Variants in SLC19A2 observed in about 807,000 individuals in gnomAD.
SLC19A2 encodes the protein thiamine transporter 1.
In SLC19A2, 27 loss-of-function variants were observed where a neutral mutation model predicts 44.7. The observed-to-expected ratio is 0.60, with a 90% CI of 0.45 to 0.83. The LOEUF is 0.83. SLC19A2 is among the 40% of genes least tolerant of loss of function. The pLI is 0.00. For missense variants in SLC19A2, 566 were observed against 613.7 expected (o/e 0.92, Z 0.82); for synonymous variants, 239 against 243.6 (o/e 0.98, Z 0.18).
rs757861063 is a variant in SLC19A2 at position 169,485,923 on chromosome 1, G to C, written c.-157C>G. On this transcript the variant is annotated 5_prime_UTR_variant, in exon 1 of 6. Transcript: ENST00000236137. Reference sequence around the variant, plus strand: ...GCCGCCTCCGGCTACAGAACCCCCAGCTTTACCCTACAGACGCCTCTAGGG... The same window carrying C: ...GCCGCCTCCGGCTACAGAACCCCCACCTTTACCCTACAGACGCCTCTAGGG... The C allele has an allele frequency of 2.4e-5, 21 of 884,782 alleles. No homozygotes were observed. Among genetic ancestry groups the C allele is most frequent in the Non-Finnish European group, 3.5e-5 (21 of 596,866 alleles). 54.8% of individuals were successfully genotyped at this position (884,782 alleles called of 1,614,324 possible).
Position 169,465,669 on chromosome 1 carries a change from C to A in SLC19A2, c.*180G>T. ...TAAATAATCCATGAAATAAACTTTA[C>A]TTCTGGCTCCTCTGAATAGTATCAT... On this transcript the variant is annotated 3_prime_UTR_variant, in exon 6 of 6. Coordinates refer to ENST00000236137, the MANE Select transcript of SLC19A2 (RefSeq NM_006996.3). The A allele has an allele frequency of 1.6e-6, 1 of 633,810 alleles. No individual in the cohort carries two copies. Among genetic ancestry groups the A allele is most frequent in the Non-Finnish European group, 2.7e-6 (1 of 364,002 alleles). 39.3% of individuals were successfully genotyped at this position (633,810 alleles called of 1,614,324 possible). A position where few individuals can be genotyped will look rare whatever the true frequency, so the allele number is the denominator to read the frequency against.
At chr1:169,477,921 T>C (rs1658362699) in intron 1 of SLC19A2, among the ~76,000 whole-genome samples, 164 bp from the exon 2 acceptor site, 1 of 152,356 alleles carries the variant, frequency 6.6e-6, no homozygotes, top group African/African-American at 2.4e-5. Flanking sequence ...CTCTCTTTTT[T>C]GTTTGAGATG....
Position 169,468,223 on chromosome 1 carries a change from T to C in SLC19A2, c.1253A>G (p.Glu418Gly). Residue 418 changes from glutamate to glycine, a missense_variant, in exon 5 of 6, where the codon GAA becomes GGA. By Grantham distance (98) the Glu-to-Gly change is moderately conservative (BLOSUM62 -2). Transcript: ENST00000236137. ...TACACCAAATACTAGGGCATAGCGT[T>C]CCATGCTGAGGTTTGCAGCAATTTG... ...TFQIAANLSM[E>G]RYALVFGVNT... 1 of 1,613,864 alleles carries C rather than the reference T, an allele frequency of 6.2e-7. No individual in the cohort carries two copies. The highest frequency in any genetic ancestry group is 8.5e-7 in the Non-Finnish European group (1 of 1,179,820).
intron 1 of SLC19A2, among the ~76,000 whole-genome samples, chr1:169,480,782 A>G (rs1571540005): frequency 6.6e-6 from 1 of 152,170 alleles, no homozygotes; most frequent in Non-Finnish European, 1.5e-5. Context: ...CTTCACTCCA[A>G]TAATATTGTC....
chr1:169,468,794 C>G lies in SLC19A2; in HGVS notation c.1073G>C (p.Trp358Ser). ...TAATGTCATTTCTCCCCAAGTTGACCAGGATATTTTTATATAACCAACTGC... is the reference window on the plus strand; with the variant it reads ...TAATGTCATTTCTCCCCAAGTTGACGAGGATATTTTTATATAACCAACTGC... ...VFAVGYIKIS[W>S]STWGEMTLSL... The change falls in exon 4 of 6, where the codon TGG becomes TCG. Residue 358 changes from tryptophan to serine, a missense_variant. Transcript: ENST00000236137. The G allele has an allele frequency of 6.2e-7, 1 of 1,613,802 alleles. No homozygotes were observed. The highest frequency in any genetic ancestry group is 1.3e-5 in the African/African-American group (1 of 74,958).
rs1445797111 is a variant in SLC19A2, at chr1:169,470,157, C to T, written c.837G>A (p.Leu279=). 1.2e-6 allele frequency: 2 copies of T among 1,613,860 alleles called. No homozygotes were observed. The highest frequency in any genetic ancestry group is 1.7e-6 in the Non-Finnish European group (2 of 1,179,960). The part of the protein sequence containing the change: ...PEPKPDRLLV[L]KVLWNDFLMC... Reference sequence around the variant, plus strand: ...TCAGGAAATCATTCCATAGTACTTTCAATACAAGGAGACGGTCTGGCTTGG... The same window carrying T: ...TCAGGAAATCATTCCATAGTACTTTTAATACAAGGAGACGGTCTGGCTTGG... The change falls in exon 3 of 6, where the codon TTG becomes TTA. Residue 279 remains leucine, a synonymous_variant. Transcript: ENST00000236137.
Position 169,464,136 on chromosome 1 carries a change from A to G in SLC19A2, c.*1713T>C, listed in dbSNP as rs1657933391. 1 of 152,696 alleles carries G rather than the reference A, an allele frequency of 6.5e-6. No individual in the cohort carries two copies. The highest frequency in any genetic ancestry group is 6.5e-5 in the Admixed American group (1 of 15,300). 9.5% of individuals were successfully genotyped at this position (152,696 alleles called of 1,614,324 possible). On this transcript the variant is annotated 3_prime_UTR_variant, in exon 6 of 6. Transcript: ENST00000236137. Reference sequence around the variant, plus strand: ...GAAAAGGCTCAGGTTGTATGCCACAAACTTTGAATTAAATTCCAGGGAAAT... The same window carrying G: ...GAAAAGGCTCAGGTTGTATGCCACAGACTTTGAATTAAATTCCAGGGAAAT...
chr1:169,485,772 G>C lies in SLC19A2; in HGVS notation c.-6C>G. 1.3e-6 allele frequency: 2 copies of C among 1,528,938 alleles called. No homozygotes were observed. The highest frequency in any genetic ancestry group is 1.7e-6 in the Non-Finnish European group (2 of 1,143,188). The allele number at this position is 1,528,938 out of a possible 1,614,324, so 94.7% of individuals were successfully genotyped here. On this transcript the variant is annotated 5_prime_UTR_variant, in exon 1 of 6. Transcript: ENST00000236137. ...ACCGGGCCGGGCACATCCATCCGGG[G>C]CGCGAGGGGAGGGGACCCGGCCCGG...
chr1:169,470,234 T>C (rs1251227024), intron 2 of SLC19A2, 48 bp from the exon 3 acceptor site: 2 of 1,534,954 alleles, frequency 1.3e-6, no homozygotes, highest in African/African-American at 2.7e-5. Context: ...AAGGCAATTA[T>C]ATAGAAAGCA....
At chr1:169,474,449 G>T (rs1658264969) in intron 2 of SLC19A2, among the ~76,000 whole-genome samples, 1 of 152,100 alleles carries the variant, frequency 6.6e-6, no homozygotes, top group African/African-American at 2.4e-5. Flanking sequence ...ACTACATAAT[G>T]AATCCAGCTC....
At chr1:169,482,765 T>C (rs988003118) in intron 1 of SLC19A2, among the ~76,000 whole-genome samples, 2 of 152,178 alleles carry the variant, frequency 1.3e-5, no homozygotes, top group African/African-American at 2.4e-5. Flanking sequence ...CAGATGAGAC[T>C]GTGGATATGC....
At chr1:169,472,298 C>T (rs1051648912) in intron 2 of SLC19A2, among the ~76,000 whole-genome samples, 3 of 152,186 alleles carry the variant, frequency 2.0e-5, no homozygotes, top group South Asian at 2.1e-4. Flanking sequence ...GTTGCTTAAC[C>T]AATATAACTT....
Position 169,479,243 on chromosome 1 carries a change from T to A in SLC19A2, c.205-1486A>T, listed in dbSNP as rs1042071970. Reference sequence around the variant, plus strand: ...GGAACAAATAAAGATGGTCAATGTGTCCTACAGTCTTGACAGAATTAAGTC... The same window carrying A: ...GGAACAAATAAAGATGGTCAATGTGACCTACAGTCTTGACAGAATTAAGTC... On this transcript the variant is annotated intron_variant, in intron 1 of 5. Coordinates refer to ENST00000236137, the MANE Select transcript of SLC19A2 (RefSeq NM_006996.3). Among the ~76,000 whole-genome samples, 4 of 152,234 alleles carry A rather than the reference T, an allele frequency of 2.6e-5. No homozygotes were observed. The East Asian group carries it at 7.7e-4, about 29-fold the overall frequency.
At chr1:169,474,738 C>A (rs1658269569) in intron 2 of SLC19A2, among the ~76,000 whole-genome samples, 1 of 151,818 alleles carries the variant, frequency 6.6e-6, no homozygotes, top group African/African-American at 2.4e-5. Context: ...CCCTAATATC[C>A]ATATTCTGAA....
chr1:169,477,116 C>G (rs749066684), intron 2 of SLC19A2, 39 bp downstream of exon 2: 1 of 1,611,886 alleles, frequency 6.2e-7, no homozygotes, highest in Non-Finnish European at 8.5e-7. Flanking sequence ...GGTCCAGCCC[C>G]CATAGTAGCA....
chr1:169,465,867 A>G lies in SLC19A2; in HGVS notation c.1476T>C (p.Ser492=). The G allele has an allele frequency of 6.2e-7, 1 of 1,614,066 alleles. No individual in the cohort carries two copies. The highest frequency in any genetic ancestry group is 1.1e-5 in the South Asian group (1 of 91,084). Reference sequence around the variant, plus strand: ...CAGTATATTATGAAGTGGTTACTTGAGAACTTGATTGTGGATCTTCCAGCT... The same window carrying G: ...CAGTATATTATGAAGTGGTTACTTGGGAACTTGATTGTGGATCTTCCAGCT... ...CRKLEDPQSS[S]QVTTS The change falls in exon 6 of 6, where the codon TCT becomes TCC. Residue 492 remains serine, a synonymous_variant. Transcript: ENST00000236137.
rs1021427583 is a variant in SLC19A2 at position 169,485,913 on chromosome 1, A to C, written c.-147T>G. 4.2e-6 allele frequency: 4 copies of C among 951,074 alleles called. No homozygotes were observed. 58.9% of individuals were successfully genotyped at this position (951,074 alleles called of 1,614,324 possible). A position where few individuals can be genotyped will look rare whatever the true frequency, so the allele number is the denominator to read the frequency against. The stretch of plus-strand genomic sequence containing the variant: ...TGGACTCGCCGCCGCCTCCGGCTAC[A>C]GAACCCCCAGCTTTACCCTACAGAC... On this transcript the variant is annotated 5_prime_UTR_variant, in exon 1 of 6. Coordinates refer to ENST00000236137, the MANE Select transcript of SLC19A2 (RefSeq NM_006996.3).
chr1:169,470,025 C>T lies in SLC19A2; in HGVS notation c.969G>A (p.Val323=), dbSNP rs758549464. Reference sequence around the variant, plus strand: ...AGATAGCAGCATAGCGAGAAGGCATCACTTTCTCCCACAGGCCCTGTGTGT... The same window carrying T: ...AGATAGCAGCATAGCGAGAAGGCATTACTTTCTCCCACAGGCCCTGTGTGT... ...VNYTQGLWEK[V]MPSRYAAIYN... Residue 323 remains valine (V), a synonymous_variant, in exon 3 of 6, where the codon GTG becomes GTA. Transcript: ENST00000236137. The T allele has an allele frequency of 6.2e-7, 1 of 1,614,040 alleles. No individual in the cohort carries two copies. Among genetic ancestry groups the T allele is most frequent in the Non-Finnish European group, 8.5e-7 (1 of 1,179,962 alleles).
chr1:169,468,288 T>A, intron 4 of SLC19A2, 36 bp from the exon 5 acceptor site: 1 of 1,539,166 alleles, frequency 6.5e-7, no homozygotes, highest in Non-Finnish European at 8.9e-7. Flanking sequence ...AAATAAGAAT[T>A]ACTTCTGGAG....
Sources: gnomAD v4.1 joint callset for allele counts (sites outside exome capture counted in the v4.1 genomes callset) on GRCh38, gnomAD v4.1.1 for gene constraint, MANE v1.5 for transcripts, NCBI Gene and HGNC (gene_info 2026-07-23, HGNC 2026-07-21) for gene names.